MMP26: variants seen among roughly 807,000 people sequenced by gnomAD.
MMP26 encodes matrix metalloproteinase-26.
A neutral mutation model predicts 31.0 loss-of-function variants in MMP26; 33 were observed. The observed-to-expected ratio is 1.06, with a 90% confidence interval of 0.81 to 1.42. The LOEUF is 1.42. MMP26 is among the 40% of genes most tolerant of loss of function. The probability of loss-of-function intolerance (pLI) is 0.00; values close to 1 mark genes in which losing one functional copy is unlikely to be tolerated. For missense variants in MMP26, 347 were observed against 316.1 expected, an observed-to-expected ratio of 1.10 and a Z score of -0.74; for synonymous variants, 122 against 114.9, an observed-to-expected ratio of 1.06 and a Z score of -0.40.
intron 2 of MMP26, chr11:4,938,334 G>T (rs1293412167): frequency 6.6e-6 from 1 of 152,044 alleles, no homozygotes; most frequent in East Asian, 1.9e-4. Context: ...TTACCTCAGT[G>T]CAGTTGGAAA....
chr11:4,723,200 G>A, intron 1 of MMP26: 2 of 1,547,546 alleles, frequency 1.3e-6, no homozygotes, highest in Non-Finnish European at 1.8e-6. Context: ...CTCCAGGGAA[G>A]CCCTCTGGCC....
chr11:4,863,118 C>T (rs1850186927), intron 2 of MMP26, among the ~76,000 whole-genome samples: 1 of 152,070 alleles, frequency 6.6e-6, no homozygotes, highest in Non-Finnish European at 1.5e-5. Context: ...GTTCTGAGAA[C>T]CTGCTGAAGC....
chr11:4,746,878 A>ACACACAC (rs1848389339), intron 1 of MMP26, among the ~76,000 whole-genome samples: 1 of 127,188 alleles, frequency 7.9e-6, no homozygotes, highest in Non-Finnish European at 1.7e-5. Flanking sequence ...CACACACACA[A>ACACACAC]AGGCTATACA....
intron 2 of MMP26, chr11:4,955,848 T>C: frequency 3.2e-6 from 2 of 624,746 alleles, no homozygotes; most frequent in Non-Finnish European, 2.9e-6. Context: ...GTGGCTTCTT[T>C]CAGCTTTCTT....
At chr11:4,759,083 C>T (rs981088840) in intron 1 of MMP26, among the ~76,000 whole-genome samples, 1 of 141,362 alleles carries the variant, frequency 7.1e-6, no homozygotes. Context: ...TGCATTCCAG[C>T]CTGGGCAACA....
At chr11:4,942,761 A>G (rs957123442) in intron 2 of MMP26, 7 of 152,180 alleles carry the variant, frequency 4.6e-5, no homozygotes, top group African/African-American at 1.7e-4. Flanking sequence ...ACATTCAGAT[A>G]TGGGCAAACC....
chr11:4,980,377 A>T (rs1319207166), intron 2 of MMP26, among the ~76,000 whole-genome samples: 3 of 152,240 alleles, frequency 2.0e-5, no homozygotes, highest in Middle Eastern at 3.4e-3. Flanking sequence ...AAGACACCAC[A>T]TCTTCCATGA....
chr11:4,724,051 C>G, intron 1 of MMP26: 1 of 662,164 alleles, frequency 1.5e-6, no homozygotes, highest in Non-Finnish European at 2.7e-6. Context: ...GCTGGTACCA[C>G]TGGGGAAAAG....
intron 1 of MMP26, among the ~76,000 whole-genome samples, chr11:4,759,506 A>T (rs1848546924): frequency 6.6e-6 from 1 of 152,180 alleles, no homozygotes; most frequent in South Asian, 2.1e-4. Flanking sequence ...AATAATAAAT[A>T]TTGAGTGCCT....
chr11:4,780,353 G>A (rs888421934), intron 2 of MMP26, among the ~76,000 whole-genome samples: 1 of 151,820 alleles, frequency 6.6e-6, no homozygotes, highest in Non-Finnish European at 1.5e-5. Flanking sequence ...ACTTAGTATT[G>A]TCTCCAATTT....
intron 2 of MMP26, chr11:4,860,535 G>A (rs1173532234): frequency 8.5e-6 from 4 of 469,198 alleles, no homozygotes; most frequent in Admixed American, 2.4e-5. Context: ...AGTTACGGTG[G>A]TTGGCCTGTG....
At chr11:4,863,544 G>A (rs951170470) in intron 2 of MMP26, 1 of 152,056 alleles carries the variant, frequency 6.6e-6, no homozygotes. Flanking sequence ...AATAAAAAAT[G>A]CCCTAAGTTA....
intron 2 of MMP26, among the ~76,000 whole-genome samples, chr11:4,814,485 GTAGA>G (rs1849394668): frequency 6.6e-6 from 1 of 152,142 alleles, no homozygotes; most frequent in Admixed American, 6.5e-5. Context: ...TTCATAAAGA[GTAGA>G]TAAAGAGCAG....
At chr11:4,739,942 A>C (rs1039996580) in intron 1 of MMP26, among the ~76,000 whole-genome samples, 47 of 152,320 alleles carry the variant, frequency 3.1e-4, no homozygotes, top group African/African-American at 1.1e-3. Flanking sequence ...CACAACAATA[A>C]GCTTGTGGGC....
At chr11:4,737,551 G>C (rs921770436) in intron 1 of MMP26, among the ~76,000 whole-genome samples, 1 of 152,208 alleles carries the variant, frequency 6.6e-6, no homozygotes, top group Admixed American at 6.5e-5. Flanking sequence ...GCTGAGGCAG[G>C]AGAATCGCTT....
intron 1 of MMP26, among the ~76,000 whole-genome samples, chr11:4,732,577 C>A (rs1848187658): frequency 6.7e-6 from 1 of 149,042 alleles, no homozygotes; most frequent in African/African-American, 2.5e-5. Flanking sequence ...TTTTCATGAA[C>A]CCCAAGAGAA....
intron 2 of MMP26, chr11:4,882,840 C>T: frequency 6.2e-7 from 1 of 1,613,684 alleles, no homozygotes; most frequent in South Asian, 1.1e-5. Flanking sequence ...TCCAAGGGTT[C>T]ATGGGGTTTT....
chr11:4,941,894 G>T (rs1390229146), intron 2 of MMP26, among the ~76,000 whole-genome samples: 2 of 151,158 alleles, frequency 1.3e-5, no homozygotes, highest in African/African-American at 2.4e-5. Context: ...GACCATCCTG[G>T]CTAACATGGT....
At chr11:4,986,374 A>G (rs1846887542) in intron 2 of MMP26, among the ~76,000 whole-genome samples, 1 of 151,498 alleles carries the variant, frequency 6.6e-6, no homozygotes, top group African/African-American at 2.4e-5. Flanking sequence ...TGGAGATAGG[A>G]TCTCACTCTG....
Sources: gnomAD v4.1 joint callset for allele counts (sites outside exome capture counted in the v4.1 genomes callset) on GRCh38, gnomAD v4.1.1 for gene constraint, MANE v1.5 for transcripts, NCBI Gene and HGNC (gene_info 2026-07-23, HGNC 2026-07-21) for gene names.